Variants in RPS6KC1 observed in about 807,000 individuals in gnomAD.
The protein encoded by RPS6KC1 is ribosomal protein S6 kinase C1.
A neutral mutation model predicts 103.8 loss-of-function variants in RPS6KC1; 54 were observed. That is an observed-to-expected ratio of 0.52 (90% CI 0.42 to 0.65). RPS6KC1 has a LOEUF of 0.65. Ranked by LOEUF, RPS6KC1 falls within the 30% of genes least tolerant of loss-of-function variation. The pLI is 0.00. For synonymous variants in RPS6KC1, 439 were observed against 438.7 expected (o/e 1.00, Z -0.01); for missense variants, 1,151 against 1,253.8 (o/e 0.92, Z 1.24).
At chr1:213,571,116 G>T in the RPS6KC1 span, among the ~76,000 whole-genome samples, 2 of 152,182 alleles carry the variant, frequency 1.3e-5, no homozygotes, top group Non-Finnish European at 2.9e-5. Context: ...TGCCTGTACA[G>T]ATGTGGCCTT....
At chr1:213,708,531 A>C in the RPS6KC1 span, among the ~76,000 whole-genome samples, 2 of 152,134 alleles carry the variant, frequency 1.3e-5, no homozygotes, top group Non-Finnish European at 2.9e-5. Context: ...TTCTATTTGA[A>C]TATGCTTTAT....
chr1:213,616,434 G>A, the RPS6KC1 span, among the ~76,000 whole-genome samples: 12 of 152,306 alleles, frequency 7.9e-5, no homozygotes, highest in Admixed American at 7.8e-4. Flanking sequence ...GCATGGCAGG[G>A]AGTAAGGAGG....
intron 1 of RPS6KC1, among the ~76,000 whole-genome samples, chr1:213,070,583 G>A (rs972809119): frequency 1.3e-5 from 2 of 152,176 alleles, no homozygotes; most frequent in African/African-American, 2.4e-5. Context: ...AAAAAGGAAA[G>A]TGATGTACAG....
the RPS6KC1 span, chr1:213,840,148 C>T: frequency 6.6e-6 from 1 of 152,178 alleles, no homozygotes; most frequent in Non-Finnish European, 1.5e-5. Context: ...TTAATTCAAA[C>T]TTCCTTTTCA....
chr1:213,554,505 C>T, the RPS6KC1 span, among the ~76,000 whole-genome samples: 1 of 152,136 alleles, frequency 6.6e-6, no homozygotes, highest in Non-Finnish European at 1.5e-5. Flanking sequence ...GCTATTTGGG[C>T]ACTTTTCTTT....
the RPS6KC1 span, among the ~76,000 whole-genome samples, chr1:213,577,764 T>C: frequency 2.0e-5 from 3 of 152,190 alleles, no homozygotes; most frequent in Non-Finnish European, 2.9e-5. Flanking sequence ...TGGCTGTTCT[T>C]AAAAACTTTC....
At chr1:213,749,304 G>A in the RPS6KC1 span, among the ~76,000 whole-genome samples, 4 of 152,170 alleles carry the variant, frequency 2.6e-5, no homozygotes, top group Admixed American at 6.5e-5. Context: ...GTAGGACATC[G>A]AAGAAGCCTA....
the RPS6KC1 span, among the ~76,000 whole-genome samples, chr1:213,826,773 G>A: frequency 6.6e-6 from 1 of 152,106 alleles, no homozygotes; most frequent in Non-Finnish European, 1.5e-5. Flanking sequence ...ACCCTGGGAA[G>A]GGGGGGAAGT....
At chr1:213,355,515 T>C in the RPS6KC1 span, among the ~76,000 whole-genome samples, 1 of 152,156 alleles carries the variant, frequency 6.6e-6, no homozygotes, top group Non-Finnish European at 1.5e-5. Flanking sequence ...TCAGAAGTCA[T>C]TTTTTGTGAT....
the RPS6KC1 span, among the ~76,000 whole-genome samples, chr1:213,693,752 G>C: frequency 6.6e-6 from 1 of 152,234 alleles, no homozygotes; most frequent in African/African-American, 2.4e-5. Context: ...CGGAAATTTA[G>C]TAGCCCACTT....
intron 6 of RPS6KC1, among the ~76,000 whole-genome samples, chr1:213,132,998 A>G (rs550698735): frequency 6.6e-6 from 1 of 152,328 alleles, no homozygotes; most frequent in Admixed American, 6.5e-5. Flanking sequence ...AAAACACAAT[A>G]GCAACAGCTC....
At chr1:213,367,934 C>G in the RPS6KC1 span, among the ~76,000 whole-genome samples, 1 of 152,194 alleles carries the variant, frequency 6.6e-6, no homozygotes, top group African/African-American at 2.4e-5. Context: ...TTTCTTTTAT[C>G]CCTAAAATTA....
At chr1:213,284,544 G>A in the RPS6KC1 span, among the ~76,000 whole-genome samples, 4 of 151,182 alleles carry the variant, frequency 2.6e-5, no homozygotes, top group Non-Finnish European at 5.9e-5. Context: ...TACAACAGAA[G>A]TATGAATCAA....
the RPS6KC1 span, among the ~76,000 whole-genome samples, chr1:213,716,763 A>G: frequency 6.6e-6 from 1 of 152,060 alleles, no homozygotes; most frequent in Admixed American, 6.5e-5. Context: ...TGTCTTTTTC[A>G]TCTTTCTTTC....
At chr1:213,085,787 A>T (rs964617480) in intron 3 of RPS6KC1, among the ~76,000 whole-genome samples, 4 of 152,022 alleles carry the variant, frequency 2.6e-5, no homozygotes, top group African/African-American at 9.7e-5. Context: ...GGACTCACAT[A>T]TCTTTTTTTT....
chr1:213,769,616 C>T, the RPS6KC1 span, among the ~76,000 whole-genome samples: 1 of 151,820 alleles, frequency 6.6e-6, no homozygotes, highest in Admixed American at 6.6e-5. Flanking sequence ...CAAGTCTATC[C>T]AGGGAGCTAA....
At chr1:213,125,750 C>T (rs927475230) in intron 5 of RPS6KC1, 1 of 151,714 alleles carries the variant, frequency 6.6e-6, no homozygotes, top group African/African-American at 2.4e-5. Flanking sequence ...CTTAATCTTA[C>T]TATCTTTCTC....
At chr1:213,350,017 T>TAA in the RPS6KC1 span, among the ~76,000 whole-genome samples, 1 of 152,158 alleles carries the variant, frequency 6.6e-6, no homozygotes, top group Non-Finnish European at 1.5e-5. Flanking sequence ...ATACTCTTTT[T>TAA]AAGTCCCTAG....
At chr1:213,460,728 G>T in the RPS6KC1 span, among the ~76,000 whole-genome samples, 1 of 152,108 alleles carries the variant, frequency 6.6e-6, no homozygotes, top group African/African-American at 2.4e-5. Flanking sequence ...GCTGGTACCG[G>T]TTTTTCCTTT....
Sources: gnomAD v4.1 joint callset for allele counts (sites outside exome capture counted in the v4.1 genomes callset) on GRCh38, gnomAD v4.1.1 for gene constraint, MANE v1.5 for transcripts, NCBI Gene and HGNC (gene_info 2026-07-23, HGNC 2026-07-21) for gene names.